The following CCDC178 variants were observed in gnomAD, a reference collection of about 807,000 sequenced individuals.
CCDC178 encodes coiled-coil domain-containing protein 178.
Under a neutral mutation model 117.4 loss-of-function variants are expected in CCDC178, and 126 were observed. That is an observed-to-expected ratio of 1.07 (90% CI 0.93 to 1.24). The LOEUF (loss-of-function observed/expected upper bound fraction) is 1.24, where lower values mean the gene tolerates loss of function less well. Ranked by LOEUF, CCDC178 falls within the 50% of genes most tolerant of loss-of-function variation. The pLI is 0.00. For missense variants in CCDC178, 1,030 were observed against 986.9 expected, an observed-to-expected ratio of 1.04 and a Z score of -0.59; for synonymous variants, 283 against 313.4, an observed-to-expected ratio of 0.90 and a Z score of 1.02.
chr18:33,341,149 C>G (rs896843977), intron 9 of CCDC178, among the ~76,000 whole-genome samples: 15 of 152,164 alleles, frequency 9.9e-5, no homozygotes, highest in African/African-American at 3.6e-4. Context: ...GATGTGAGAC[C>G]TGGAGTCAAA....
intron 18 of CCDC178, among the ~76,000 whole-genome samples, chr18:33,218,365 G>A (rs975980434): frequency 5.3e-5 from 8 of 152,058 alleles, no homozygotes; most frequent in African/African-American, 1.9e-4. Flanking sequence ...TTTGTCAGAT[G>A]GGTAGATTGT....
chr18:33,371,784 T>TACACACACACAC lies in CCDC178; in HGVS notation c.209-1607_209-1596dup, dbSNP rs146013235. On this transcript the variant is annotated intron_variant, in intron 5 of 22. Transcript: ENST00000383096. ...TTCCTCTTTAGTTCATAAACATATATACACACACACACACACACACACACA... is the reference window on the plus strand; with the variant it reads ...TTCCTCTTTAGTTCATAAACATATATACACACACACACACACACACACACACACACACACACA... Among the ~76,000 whole-genome samples, 820 of 144,296 alleles carry TACACACACACAC rather than the reference T, an allele frequency of 5.7e-3. 3 individuals are homozygous for TACACACACACAC. Among genetic ancestry groups the TACACACACACAC allele is most frequent in the Admixed American group, 8.2e-3 (116 of 14,142 alleles). 94.7% of individuals were successfully genotyped at this position (144,296 alleles called of 152,430 possible).
intron 22 of CCDC178, among the ~76,000 whole-genome samples, chr18:32,965,707 C>G (rs1371592249): frequency 6.6e-6 from 1 of 151,596 alleles, no homozygotes; most frequent in Non-Finnish European, 1.5e-5. Context: ...ACAACATAGT[C>G]CTCAACAGAA....
intron 12 of CCDC178, among the ~76,000 whole-genome samples, chr18:33,279,818 C>A (rs1414846805): frequency 6.6e-6 from 1 of 152,154 alleles, no homozygotes; most frequent in African/African-American, 2.4e-5. Context: ...ACTATCTGGT[C>A]TTTGACAAAC....
chr18:33,064,457 TTCTGAAC>T (rs1414436208), intron 21 of CCDC178, among the ~76,000 whole-genome samples: 2 of 152,188 alleles, frequency 1.3e-5, no homozygotes, highest in Non-Finnish European at 2.9e-5. Flanking sequence ...AAGAAATGAT[TTCTGAAC>T]TTGAAGACAG....
chr18:33,065,365 A>G (rs771614709), intron 21 of CCDC178, among the ~76,000 whole-genome samples: 31 of 152,202 alleles, frequency 2.0e-4, no homozygotes, highest in Non-Finnish European at 3.4e-4. Flanking sequence ...CCATGTGTAC[A>G]ATTACAATGT....
chr18:33,007,037 T>G (rs1395942552), intron 21 of CCDC178, among the ~76,000 whole-genome samples: 1 of 152,074 alleles, frequency 6.6e-6, no homozygotes, highest in African/African-American at 2.4e-5. Context: ...AGTTAATGAA[T>G]GTATTATATG....
chr18:33,098,908 C>T (rs760152604), intron 20 of CCDC178, among the ~76,000 whole-genome samples: 4 of 151,854 alleles, frequency 2.6e-5, no homozygotes, highest in Non-Finnish European at 5.9e-5. Context: ...GAATTCTATT[C>T]CAGTTACAGT....
intron 22 of CCDC178, among the ~76,000 whole-genome samples, chr18:32,973,873 A>C (rs1364250805): frequency 6.6e-6 from 1 of 152,128 alleles, no homozygotes; most frequent in Non-Finnish European, 1.5e-5. Context: ...GTCATGTTTT[A>C]TGCAGGTAGT....
At chr18:33,388,822 G>A (rs1470296889) in intron 5 of CCDC178, among the ~76,000 whole-genome samples, 1 of 152,084 alleles carries the variant, frequency 6.6e-6, no homozygotes, top group African/African-American at 2.4e-5. Flanking sequence ...AAAGGAACGA[G>A]ATCATGTCCT....
chr18:33,259,294 T>G (rs1039827122), intron 14 of CCDC178, among the ~76,000 whole-genome samples: 6 of 152,212 alleles, frequency 3.9e-5, no homozygotes, highest in African/African-American at 7.2e-5. Flanking sequence ...TGAGCTGCAG[T>G]GCAGAAGCTC....
chr18:33,273,077 T>A (rs1232677890), intron 12 of CCDC178, among the ~76,000 whole-genome samples: 4 of 149,950 alleles, frequency 2.7e-5, no homozygotes, highest in African/African-American at 9.9e-5. Context: ...AAAATAAACA[T>A]TTCCAGATTG....
chr18:33,277,010 G>A (rs1485296826), intron 12 of CCDC178, among the ~76,000 whole-genome samples: 1 of 151,882 alleles, frequency 6.6e-6, no homozygotes, highest in African/African-American at 2.4e-5. Flanking sequence ...ATATTTAAGG[G>A]AATAAAAAAA....
At chr18:32,943,386 G>A (rs1162785548) in intron 22 of CCDC178, among the ~76,000 whole-genome samples, 2 of 152,110 alleles carry the variant, frequency 1.3e-5, no homozygotes, top group South Asian at 2.1e-4. Flanking sequence ...GTTTTGGGGG[G>A]AAACAATTAA....
At chr18:32,981,746 A>C (rs2144716589) in intron 21 of CCDC178, among the ~76,000 whole-genome samples, 1 of 152,284 alleles carries the variant, frequency 6.6e-6, no homozygotes, top group Non-Finnish European at 1.5e-5. Flanking sequence ...ACCTATAATA[A>C]ACAAAATATC....
chr18:33,212,055 C>A lies in CCDC178; in HGVS notation c.2079G>T (p.Lys693Asn). Residue 693 changes from lysine (K) to asparagine (N), a missense_variant and splice_region_variant, in exon 20 of 23, where the codon AAG (lysine) becomes AAT (asparagine). Coordinates refer to ENST00000383096, the MANE Select transcript of CCDC178 (RefSeq NM_001105528.4). Reference protein sequence around the residue: ...KSFDQTLEILKNKFITMRFKR... With the variant: ...KSFDQTLEILNNKFITMRFKR... Reference sequence around the variant, plus strand: ...TAAATCTCATAGTTATAAATTTGTTCCTGTGAAGAAAGAATTCCATGTGCC... The same window carrying A: ...TAAATCTCATAGTTATAAATTTGTTACTGTGAAGAAAGAATTCCATGTGCC... 6.4e-7 allele frequency: 1 copy of A among 1,561,976 alleles called. No homozygotes were observed. Among genetic ancestry groups the A allele is most frequent in the Non-Finnish European group, 8.6e-7 (1 of 1,159,314 alleles).
chr18:33,288,855 T>C (rs1042232147), intron 12 of CCDC178, among the ~76,000 whole-genome samples: 5 of 152,158 alleles, frequency 3.3e-5, no homozygotes, highest in African/African-American at 1.2e-4. Flanking sequence ...TATAAAGAGT[T>C]GGAAGAATGA....
intron 19 of CCDC178, 118 bp from the exon 20 acceptor site, chr18:33,212,173 G>A: frequency 1.4e-6 from 1 of 693,512 alleles, no homozygotes; most frequent in Non-Finnish European, 2.2e-6. Context: ...TGAACTGACA[G>A]GCCTTGGAAA....
At chr18:32,979,450 C>G (rs1427323227) in intron 21 of CCDC178, among the ~76,000 whole-genome samples, 1 of 152,130 alleles carries the variant, frequency 6.6e-6, no homozygotes, top group Non-Finnish European at 1.5e-5. Flanking sequence ...TGAGCCGCTG[C>G]GCCCGGTCCA....
Sources: allele counts gnomAD v4.1 joint callset (sites outside exome capture counted in the v4.1 genomes callset), GRCh38; gene constraint gnomAD v4.1.1; transcripts MANE v1.5; gene names NCBI Gene and HGNC (gene_info 2026-07-23, HGNC 2026-07-21).